C1orf226: variants seen among roughly 807,000 people sequenced by gnomAD.
C1orf226 encodes the protein uncharacterized protein C1orf226.
A neutral mutation model predicts 10.5 loss-of-function variants in C1orf226; 4 were observed. The ratio of observed to expected loss-of-function variants is 0.38; its 90% CI spans 0.19 to 0.87. C1orf226 has a LOEUF of 0.87. Among genes scored for constraint, C1orf226 ranks in the 40% least tolerant of loss-of-function variants. C1orf226 has a pLI of 0.41. For synonymous variants in C1orf226, 125 were observed against 139.3 expected, an observed-to-expected ratio of 0.90 and a Z score of 0.72; for missense variants, 313 against 336.2, an observed-to-expected ratio of 0.93 and a Z score of 0.54.
upstream of C1orf226, chr1:162,379,009 T>A: frequency 6.4e-7 from 1 of 1,550,650 alleles, no homozygotes; most frequent in African/African-American, 1.4e-5. Flanking sequence ...CCCACCTGCT[T>A]TCCGAGCCCC....
rs939639245 is a variant in C1orf226 at position 162,385,365 on chromosome 1, T to G, written c.*1682T>G. The G allele has an allele frequency of 2.6e-5, 4 of 152,298 alleles. No homozygotes were observed. Among genetic ancestry groups the G allele is most frequent in the Non-Finnish European group, 5.9e-5 (4 of 68,062 alleles). 9.4% of individuals were successfully genotyped at this position (152,298 alleles called of 1,614,324 possible). A position where few individuals can be genotyped will look rare whatever the true frequency, so the allele number is the denominator to read the frequency against. ...GCAGGATTGCTAGGATGTGGGTTCCTTCCTGCATGCTTGCTTCTGCAGCTG... is the reference window on the plus strand; with the variant it reads ...GCAGGATTGCTAGGATGTGGGTTCCGTCCTGCATGCTTGCTTCTGCAGCTG... On this transcript the variant is annotated 3_prime_UTR_variant, in exon 2 of 2. Transcript: ENST00000458626.
upstream of C1orf226, among the ~76,000 whole-genome samples, chr1:162,379,667 G>A (rs1571262025): frequency 1.3e-5 from 2 of 152,158 alleles, no homozygotes; most frequent in Admixed American, 6.5e-5. Flanking sequence ...CATTACTTAA[G>A]AATTCAGTGC....
chr1:162,383,792 T>A lies in C1orf226; in HGVS notation c.*109T>A. The A allele has an allele frequency of 3.6e-6, 4 of 1,120,656 alleles. No homozygotes were observed. Among genetic ancestry groups the A allele is most frequent in the Admixed American group, 2.9e-5 (1 of 35,078 alleles). 69.4% of individuals were successfully genotyped at this position (1,120,656 alleles called of 1,614,324 possible). On this transcript the variant is annotated 3_prime_UTR_variant, in exon 2 of 2. Transcript: ENST00000458626. ...TCCGCTGTGCCCTTTGTCTTCCTTG[T>A]ATGAGGCACCAGCAGAGAGCCAGTC... is the stretch of plus-strand genomic sequence containing the variant.
upstream of C1orf226, among the ~76,000 whole-genome samples, chr1:162,381,324 A>G (rs546703250): frequency 5.3e-5 from 8 of 152,278 alleles, no homozygotes; most frequent in Non-Finnish European, 1.0e-4. Context: ...CTGAACCACC[A>G]CTTAGCACCT....
At position 162,381,860 on chromosome 1, in the gene C1orf226, T is replaced by C; in HGVS notation, c.-42T>C. 1 of 1,606,862 alleles carries C rather than the reference T, an allele frequency of 6.2e-7. No homozygotes were observed. Among genetic ancestry groups the C allele is most frequent in the Non-Finnish European group, 8.5e-7 (1 of 1,178,374 alleles). On this transcript the variant is annotated 5_prime_UTR_variant, in exon 1 of 2. Transcript: ENST00000458626. The stretch of plus-strand genomic sequence containing the variant: ...CACAGGTACCGCTCCCCTTTCCTCA[T>C]CATGCCTCTCTGTCGCCTCTTTGTT...
upstream of C1orf226, among the ~76,000 whole-genome samples, chr1:162,379,916 G>T (rs1271603586): frequency 6.6e-6 from 1 of 152,234 alleles, no homozygotes; most frequent in Non-Finnish European, 1.5e-5. Context: ...TTGGGAAGTG[G>T]TGGCAATTTG....
rs1184648797 is a variant in C1orf226 at position 162,386,696 on chromosome 1, C to G, written c.*3013C>G. On this transcript the variant is annotated 3_prime_UTR_variant, in exon 2 of 2. Transcript: ENST00000458626. ...TTAAAGAAGAAGATTGGCTCCAGTT[C>G]GGAGGAGGAGGAGGAAGATTACAGA... The G allele has an allele frequency of 6.6e-6, 1 of 152,078 alleles. No individual in the cohort carries two copies. Among genetic ancestry groups the G allele is most frequent in the African/African-American group, 2.4e-5 (1 of 41,394 alleles). 9.4% of individuals were successfully genotyped at this position (152,078 alleles called of 1,614,324 possible). A position where few individuals can be genotyped will look rare whatever the true frequency, so the allele number is the denominator to read the frequency against.
rs1447489248 is a variant in C1orf226, at chr1:162,382,111, G to A, written c.210G>A (p.Glu70=). 1.9e-6 allele frequency: 3 copies of A among 1,590,006 alleles called. No homozygotes were observed. The highest frequency in any genetic ancestry group is 3.6e-5 in the Admixed American group (2 of 56,022). The stretch of plus-strand genomic sequence containing the variant: ...TGAATGACTTCCTGAGGAGAAAGGA[G>A]CCCTCCAGCCTGGGCAGTGTGGGTG... ...AKVNDFLRRK[E]PSSLGSVGVT... is the part of the protein sequence containing the mutation. The change falls in exon 1 of 2, where the codon GAG becomes GAA. Residue 70 remains glutamate (E), a synonymous_variant. Coordinates refer to ENST00000458626, the MANE Select transcript of C1orf226 (RefSeq NM_001085375.2).
At position 162,384,009 on chromosome 1, in the gene C1orf226, G is replaced by C; in HGVS notation, c.*326G>C. ...TGTCCTGTCTTCTCAGTGAATTGCAGGGCCACCAGCTCAGGACAATGGATC... is the reference window on the plus strand; with the variant it reads ...TGTCCTGTCTTCTCAGTGAATTGCACGGCCACCAGCTCAGGACAATGGATC... On this transcript the variant is annotated 3_prime_UTR_variant, in exon 2 of 2. Coordinates refer to ENST00000458626, the MANE Select transcript of C1orf226 (RefSeq NM_001085375.2). 7 of 329,366 alleles carry C rather than the reference G, an allele frequency of 2.1e-5. No individual in the cohort carries two copies. Among genetic ancestry groups the C allele is most frequent in the South Asian group, 1.3e-4 (2 of 15,638 alleles). 20.4% of individuals were successfully genotyped at this position (329,366 alleles called of 1,614,324 possible).
upstream of C1orf226, among the ~76,000 whole-genome samples, chr1:162,381,109 T>C (rs1237052501): frequency 2.0e-5 from 3 of 152,204 alleles, no homozygotes; most frequent in Non-Finnish European, 4.4e-5. Context: ...AGGCCTGAGT[T>C]CTAGCTCCAG....
In C1orf226 at chr1:162,385,472, C is replaced by T. The variant is rs1571265354; in HGVS notation, c.*1789C>T. 1 of 152,444 alleles carries T rather than the reference C, an allele frequency of 6.6e-6. No individual in the cohort carries two copies. The highest frequency in any genetic ancestry group is 2.4e-5 in the African/African-American group (1 of 41,468). The allele number at this position is 152,444 out of a possible 1,614,324, so 9.4% of individuals were successfully genotyped here. On this transcript the variant is annotated 3_prime_UTR_variant, in exon 2 of 2. Coordinates refer to ENST00000458626, the MANE Select transcript of C1orf226 (RefSeq NM_001085375.2). ...TTCCTTCTCCCAGAAAGCCAGGTTT[C>T]ACCACGTGCTCACCACAAACTGTCT...
At position 162,381,926 on chromosome 1, in the gene C1orf226, C is replaced by G. The variant is rs780213039; in HGVS notation, c.25C>G (p.Leu9Val). The G allele has an allele frequency of 1.3e-5, 21 of 1,612,762 alleles. No individual in the cohort carries two copies. The highest frequency in any genetic ancestry group is 9.3e-5 in the African/African-American group (7 of 74,934). The stretch of plus-strand genomic sequence containing the variant: ...CATGTTTGAGAATTTGAACACAGCC[C>G]TCACTCCAAAGCTCCAGGCCAGCCG... MFENLNTA[L>V]TPKLQASRSF... Residue 9 changes from leucine (L) to valine (V), a missense_variant, in exon 1 of 2, where the codon CTC (leucine) becomes GTC (valine). Coordinates refer to ENST00000458626, the MANE Select transcript of C1orf226 (RefSeq NM_001085375.2).
In C1orf226 at chr1:162,381,961, C is replaced by G; in HGVS notation, c.60C>G (p.Pro20=). The change falls in exon 1 of 2, where the codon CCC becomes CCG. Residue 20 remains proline, a synonymous_variant. Transcript: ENST00000458626. ...AGCTCCAGGCCAGCCGCTCCTTCCC[C>G]CACTTGTCCAAGCCCGTGGCCCCCG... The part of the protein sequence containing the change: ...TPKLQASRSF[P]HLSKPVAPGS... The G allele has an allele frequency of 6.2e-7, 1 of 1,612,972 alleles. No homozygotes were observed. Among genetic ancestry groups the G allele is most frequent in the Non-Finnish European group, 8.5e-7 (1 of 1,179,902 alleles).
upstream of C1orf226, among the ~76,000 whole-genome samples, chr1:162,381,541 A>G (rs1353321130): frequency 3.3e-5 from 5 of 152,166 alleles, no homozygotes; most frequent in East Asian, 5.8e-4. Context: ...GTCATGTTTC[A>G]TTGCTTCATC....
upstream of C1orf226, among the ~76,000 whole-genome samples, chr1:162,379,561 G>A (rs563772855): frequency 6.6e-6 from 1 of 152,332 alleles, no homozygotes; most frequent in African/African-American, 2.4e-5. Context: ...CACTTCAGGA[G>A]CTATGGCCCT....
Position 162,384,279 on chromosome 1 carries a change from C to G in C1orf226, c.*596C>G, listed in dbSNP as rs1648035025. 1 of 152,680 alleles carries G rather than the reference C, an allele frequency of 6.5e-6. No individual in the cohort carries two copies. The highest frequency in any genetic ancestry group is 2.4e-5 in the African/African-American group (1 of 41,454). 9.5% of individuals were successfully genotyped at this position (152,680 alleles called of 1,614,324 possible). On this transcript the variant is annotated 3_prime_UTR_variant, in exon 2 of 2. Coordinates refer to ENST00000458626, the MANE Select transcript of C1orf226 (RefSeq NM_001085375.2). Reference sequence around the variant, plus strand: ...CCAGGACAGTGCAGGCCCCTGGTTGCCATGTTTGCTCTGCCCCTGGGGTGG... The same window carrying G: ...CCAGGACAGTGCAGGCCCCTGGTTGGCATGTTTGCTCTGCCCCTGGGGTGG...
rs1032304824 is a variant in C1orf226, at chr1:162,385,226, G to A, written c.*1543G>A. 1.3e-5 allele frequency: 2 copies of A among 152,500 alleles called. No homozygotes were observed. Among genetic ancestry groups the A allele is most frequent in the African/African-American group, 2.4e-5 (1 of 41,548 alleles). 9.4% of individuals were successfully genotyped at this position (152,500 alleles called of 1,614,324 possible). On this transcript the variant is annotated 3_prime_UTR_variant, in exon 2 of 2. Coordinates refer to ENST00000458626, the MANE Select transcript of C1orf226 (RefSeq NM_001085375.2). ...GTTTGGCTTCCCACCCATAAGCTCTGGGATACCCAGGGCTTGCTTCCCAGC... is the reference window on the plus strand; with the variant it reads ...GTTTGGCTTCCCACCCATAAGCTCTAGGATACCCAGGGCTTGCTTCCCAGC...
chr1:162,379,127 C>T (rs754572199), upstream of C1orf226: 1 of 731,332 alleles, frequency 1.4e-6, no homozygotes, highest in Non-Finnish European at 2.3e-6. Flanking sequence ...GGGAGGGCCA[C>T]CTGGCTGGGG....
chr1:162,385,300 T>G lies in C1orf226; in HGVS notation c.*1617T>G, dbSNP rs1441549515. On this transcript the variant is annotated 3_prime_UTR_variant, in exon 2 of 2. Coordinates refer to ENST00000458626, the MANE Select transcript of C1orf226 (RefSeq NM_001085375.2). ...TCCCCTTCCCACCACCACTGCCATA[T>G]AAAATGGCCATGCTAACTCCTACAC... The G allele has an allele frequency of 2.6e-5, 4 of 152,264 alleles. No homozygotes were observed. Among genetic ancestry groups the G allele is most frequent in the Non-Finnish European group, 5.9e-5 (4 of 68,066 alleles). 9.4% of individuals were successfully genotyped at this position (152,264 alleles called of 1,614,324 possible).
Sources: allele counts gnomAD v4.1 joint callset (sites outside exome capture counted in the v4.1 genomes callset), GRCh38; gene constraint gnomAD v4.1.1; transcripts MANE v1.5; gene names NCBI Gene and HGNC (gene_info 2026-07-23, HGNC 2026-07-21).